ANK2: variants seen among roughly 807,000 people sequenced by gnomAD.
ANK2 encodes ankyrin-2.
Under a neutral mutation model 360.5 loss-of-function variants are expected in ANK2, and 83 were observed. The ratio of observed to expected loss-of-function variants is 0.23; its 90% CI spans 0.19 to 0.28. The LOEUF is 0.28. ANK2 is among the 10% of genes least tolerant of loss of function. ANK2 has a pLI of 1.00. For missense variants in ANK2, 4,201 were observed against 4,795.7 expected (o/e 0.88, Z 3.66); for synonymous variants, 1,740 against 1,759.5 (o/e 0.99, Z 0.28).
intron 26 of ANK2, chr4:113,323,752 G>GT (rs761960020): frequency 1.2e-6 from 2 of 1,610,648 alleles, no homozygotes; most frequent in African/African-American, 2.7e-5. Context: ...TATCTATTCT[G>GT]TTGCAGCCGC....
chr4:112,886,924 T>C (rs1483687165), intron 1 of ANK2, among the ~76,000 whole-genome samples: 1 of 152,172 alleles, frequency 6.6e-6, no homozygotes, highest in Non-Finnish European at 1.5e-5. Flanking sequence ...GAAACTGAGA[T>C]GACCTAGATG....
chr4:112,706,178 C>CGGG, the ANK2 span, among the ~76,000 whole-genome samples: 1 of 151,626 alleles, frequency 6.6e-6, no homozygotes, highest in Non-Finnish European at 1.5e-5. Flanking sequence ...CCCCGGAAGG[C>CGGG]GGGGCCTCCA....
intron 1 of ANK2, among the ~76,000 whole-genome samples, chr4:113,107,593 A>G (rs2093788603): frequency 6.6e-6 from 1 of 152,184 alleles, no homozygotes; most frequent in Non-Finnish European, 1.5e-5. Context: ...CAAAGTGATC[A>G]GCAATCTCTT....
rs146205479 is a variant in ANK2, at chr4:113,261,734, T to G, written c.1387-3163T>G. On this transcript the variant is annotated intron_variant, in intron 13 of 45. Coordinates refer to ENST00000357077, the MANE Select transcript of ANK2 (RefSeq NM_001148.6). ...CATAACCTTTGTTTGAATTTAAGCCTTAGTGCTTTAAATTAGATTCTATAT... is the reference window on the plus strand; with the variant it reads ...CATAACCTTTGTTTGAATTTAAGCCGTAGTGCTTTAAATTAGATTCTATAT... Among the ~76,000 whole-genome samples, 1,135 of 152,270 alleles carry G rather than the reference T, an allele frequency of 7.5e-3. 7 individuals are homozygous for G. Among genetic ancestry groups the G allele is most frequent in the African/African-American group, 0.012 (496 of 41,548 alleles).
chr4:113,117,316 A>T (rs1364658825), intron 1 of ANK2: 1 of 456,198 alleles, frequency 2.2e-6, no homozygotes, highest in South Asian at 1.5e-5. Flanking sequence ...CTTCTATTAA[A>T]AAAGTTCGAG....
intron 1 of ANK2, among the ~76,000 whole-genome samples, chr4:112,830,136 G>T (rs1053261046): frequency 6.6e-6 from 1 of 152,094 alleles, no homozygotes; most frequent in Admixed American, 6.5e-5. Context: ...TTGACACAGC[G>T]TCTCATCACT....
intron 1 of ANK2, among the ~76,000 whole-genome samples, chr4:112,863,521 T>C (rs1025403315): frequency 1.0e-4 from 14 of 138,384 alleles, no homozygotes; most frequent in African/African-American, 3.8e-4. Context: ...TATCTTTTTT[T>C]TTTTTTTTTT....
At chr4:112,788,704 G>C in the ANK2 span, 1 of 1,596,810 alleles carries the variant, frequency 6.3e-7, no homozygotes, top group Non-Finnish European at 8.5e-7. Flanking sequence ...CTGATATAGC[G>C]GGGCCATTTC....
intron 32 of ANK2, among the ~76,000 whole-genome samples, chr4:113,340,278 T>C (rs916294031): frequency 3.3e-5 from 5 of 152,190 alleles, no homozygotes; most frequent in African/African-American, 1.2e-4. Flanking sequence ...TCGAGACATG[T>C]GTTGGAACCT....
intron 1 of ANK2, among the ~76,000 whole-genome samples, chr4:112,845,585 G>T (rs2063108532): frequency 1.3e-5 from 2 of 152,154 alleles, no homozygotes; most frequent in African/African-American, 4.8e-5. Flanking sequence ...CTCTCCTGGG[G>T]TTGGGGAAGT....
At chr4:112,941,164 A>C (rs2154246577) in intron 2 of ANK2, among the ~76,000 whole-genome samples, 1 of 151,924 alleles carries the variant, frequency 6.6e-6, no homozygotes, top group East Asian at 1.9e-4. Flanking sequence ...GAAAATGTTC[A>C]TGTTATTTTG....
At chr4:113,127,668 G>A (rs1490673076) in intron 1 of ANK2, among the ~76,000 whole-genome samples, 1 of 152,222 alleles carries the variant, frequency 6.6e-6, no homozygotes, top group East Asian at 1.9e-4. Context: ...CATGATCAAA[G>A]TGGAAGGAAG....
the ANK2 span, among the ~76,000 whole-genome samples, chr4:112,790,484 C>CTTTTTTTTTT: frequency 7.9e-5 from 9 of 113,790 alleles, no homozygotes; most frequent in Non-Finnish European, 1.2e-4. Flanking sequence ...CTTTTCTTTT[C>CTTTTTTTTTT]TTTTTTTTTT....
chr4:113,062,994 T>C (rs1384508408), intron 1 of ANK2, among the ~76,000 whole-genome samples: 1 of 152,104 alleles, frequency 6.6e-6, no homozygotes, highest in Non-Finnish European at 1.5e-5. Context: ...AATATCAATT[T>C]AGGTGACAGA....
At chr4:112,845,822 G>A (rs1202540732) in intron 1 of ANK2, among the ~76,000 whole-genome samples, 1 of 152,226 alleles carries the variant, frequency 6.6e-6, no homozygotes, top group Non-Finnish European at 1.5e-5. Context: ...AAATGTTGGT[G>A]ATTTTCTTGG....
the ANK2 span, among the ~76,000 whole-genome samples, chr4:112,771,542 T>C: frequency 6.6e-6 from 1 of 151,540 alleles, no homozygotes; most frequent in African/African-American, 2.4e-5. Flanking sequence ...TGGAGAAATA[T>C]AATAGGAGGA....
the ANK2 span, among the ~76,000 whole-genome samples, chr4:112,745,489 T>C: frequency 6.6e-6 from 1 of 152,148 alleles, no homozygotes; most frequent in African/African-American, 2.4e-5. Flanking sequence ...CAATAATTTA[T>C]TGTTGTCTGT....
the ANK2 span, among the ~76,000 whole-genome samples, chr4:112,748,886 T>C: frequency 6.6e-6 from 1 of 152,184 alleles, no homozygotes; most frequent in African/African-American, 2.4e-5. Flanking sequence ...TGGACGGACC[T>C]ATGATTTTAT....
At chr4:113,067,901 C>T (rs988501981) in intron 1 of ANK2, among the ~76,000 whole-genome samples, 1 of 152,190 alleles carries the variant, frequency 6.6e-6, no homozygotes, top group African/African-American at 2.4e-5. Flanking sequence ...TCACATGTTT[C>T]TCTCTGGTTA....
Sources: gnomAD v4.1 joint callset for allele counts (sites outside exome capture counted in the v4.1 genomes callset) on GRCh38, gnomAD v4.1.1 for gene constraint, MANE v1.5 for transcripts, NCBI Gene and HGNC (gene_info 2026-07-23, HGNC 2026-07-21) for gene names.